Variants in ELMO1 observed in about 807,000 individuals in gnomAD.
The protein encoded by ELMO1 is engulfment and cell motility protein 1.
ELMO1 carries 26 observed loss-of-function variants against 98.9 expected under a neutral mutation model. The observed-to-expected ratio is 0.26, with a 90% confidence interval of 0.19 to 0.36. The LOEUF is 0.36. Ranked by LOEUF, ELMO1 falls within the 10% of genes least tolerant of loss-of-function variation. The pLI, the probability that ELMO1 is intolerant of heterozygous loss-of-function variation, is 1.00. For missense variants in ELMO1, 627 were observed against 935.2 expected, an observed-to-expected ratio of 0.67 and a Z score of 4.30; for synonymous variants, 346 against 346.0, an observed-to-expected ratio of 1.00 and a Z score of 0.00.
rs555241500 is a variant in ELMO1 at position 37,099,200 on chromosome 7, C to T, written c.1192-2473G>A. On this transcript the variant is annotated intron_variant, in intron 14 of 21. Coordinates refer to ENST00000310758, the MANE Select transcript of ELMO1 (RefSeq NM_014800.11). ...CACCTAAAGAAAAATAAACCCGCCGCCTTCTTGACTGATTTCTGTTGTCAA... is the reference window on the plus strand; with the variant it reads ...CACCTAAAGAAAAATAAACCCGCCGTCTTCTTGACTGATTTCTGTTGTCAA... Among the ~76,000 whole-genome samples the T allele has an allele frequency of 7.2e-5, 11 of 152,302 alleles. No homozygotes were observed. In the South Asian group the frequency reaches 2.3e-3, roughly 32 times the overall value.
At chr7:36,988,538 C>T (rs533549957) in intron 16 of ELMO1, among the ~76,000 whole-genome samples, 1 of 152,336 alleles carries the variant, frequency 6.6e-6, no homozygotes, top group South Asian at 2.1e-4. Context: ...TTAAGCATAA[C>T]TGTGATATGG....
intron 7 of ELMO1, among the ~76,000 whole-genome samples, chr7:37,238,268 T>C (rs1794583561): frequency 6.6e-6 from 1 of 152,232 alleles, no homozygotes; most frequent in South Asian, 2.1e-4. Context: ...ATTGCATGTC[T>C]ATCGATGAAT....
At chr7:36,925,557 T>C (rs185373288) in intron 16 of ELMO1, among the ~76,000 whole-genome samples, 177 of 152,304 alleles carry the variant, frequency 1.2e-3, no homozygotes, top group Non-Finnish European at 1.9e-3. Context: ...GGTCCCTATA[T>C]TGCCCCCAAC....
intron 15 of ELMO1, among the ~76,000 whole-genome samples, chr7:37,023,906 G>A (rs1794421500): frequency 6.6e-6 from 1 of 152,116 alleles, no homozygotes; most frequent in Non-Finnish European, 1.5e-5. Context: ...CGTGAATGGA[G>A]ATCCCAGTCT....
At chr7:37,448,199 G>A (rs1359322951) in intron 1 of ELMO1, among the ~76,000 whole-genome samples, 2 of 151,624 alleles carry the variant, frequency 1.3e-5, no homozygotes, top group African/African-American at 4.9e-5. Context: ...CGCCGAGTCT[G>A]AGCCGCAGCC....
At chr7:37,221,987 C>T (rs1470916097) in intron 10 of ELMO1, among the ~76,000 whole-genome samples, 1 of 152,258 alleles carries the variant, frequency 6.6e-6, no homozygotes, top group East Asian at 1.9e-4. Flanking sequence ...TGTGAGCCAC[C>T]GCACCCGGCT....
At chr7:36,897,271 T>C (rs1053835790) in intron 16 of ELMO1, among the ~76,000 whole-genome samples, 3 of 150,370 alleles carry the variant, frequency 2.0e-5, no homozygotes, top group Non-Finnish European at 2.9e-5. Flanking sequence ...CCTTCACATA[T>C]AGGAAAGGGG....
chr7:37,164,819 G>A (rs1376362396), intron 13 of ELMO1, among the ~76,000 whole-genome samples: 13 of 149,880 alleles, frequency 8.7e-5, no homozygotes, highest in African/African-American at 2.2e-4. Flanking sequence ...TTGGCAATGC[G>A]GGCTCTTTTT....
At chr7:36,964,483 T>C (rs941680897) in intron 16 of ELMO1, among the ~76,000 whole-genome samples, 2 of 152,242 alleles carry the variant, frequency 1.3e-5, no homozygotes, top group African/African-American at 4.8e-5. Flanking sequence ...TGAATGTGTG[T>C]CGCTCTCACA....
intron 2 of ELMO1, among the ~76,000 whole-genome samples, chr7:37,339,867 G>A (rs999952217): frequency 1.0e-5 from 1 of 99,138 alleles, no homozygotes; most frequent in Non-Finnish European, 2.0e-5. Flanking sequence ...CTCTTGATAT[G>A]ATGAGCCAAA....
intron 17 of ELMO1, among the ~76,000 whole-genome samples, chr7:36,893,258 G>A (rs1805712282): frequency 6.6e-6 from 1 of 152,138 alleles, no homozygotes; most frequent in South Asian, 2.1e-4. Flanking sequence ...CCTGGGATGG[G>A]GCAAGGAGCC....
At chr7:37,364,883 C>G (rs1302816665) in intron 1 of ELMO1, among the ~76,000 whole-genome samples, 1 of 152,140 alleles carries the variant, frequency 6.6e-6, no homozygotes, top group African/African-American at 2.4e-5. Context: ...ACTCTTTGTG[C>G]CAAGGCACTT....
At chr7:37,224,730 G>T in intron 9 of ELMO1, 149 bp downstream of exon 9, 1 of 1,154,724 alleles carries the variant, frequency 8.7e-7, no homozygotes, top group Non-Finnish European at 1.2e-6. Context: ...TGCCATTCCA[G>T]TGTGACACGT....
intron 16 of ELMO1, among the ~76,000 whole-genome samples, chr7:36,933,792 A>G (rs1257125702): frequency 6.6e-6 from 1 of 152,132 alleles, no homozygotes; most frequent in African/African-American, 2.4e-5. Context: ...CTGAGGCTTC[A>G]TGGCTGCAGG....
intron 16 of ELMO1, among the ~76,000 whole-genome samples, chr7:36,929,614 C>T (rs1785865637): frequency 6.6e-6 from 1 of 152,158 alleles, no homozygotes; most frequent in African/African-American, 2.4e-5. Flanking sequence ...GGTCAGCACT[C>T]ATATAATACT....
chr7:37,231,753 C>T (rs978807951), intron 8 of ELMO1, among the ~76,000 whole-genome samples: 6 of 152,082 alleles, frequency 3.9e-5, no homozygotes, highest in African/African-American at 1.2e-4. Flanking sequence ...CGGCATTGCA[C>T]CACAGCTTAT....
chr7:37,359,518 G>T (rs1011042870), intron 1 of ELMO1, among the ~76,000 whole-genome samples: 1 of 152,180 alleles, frequency 6.6e-6, no homozygotes, highest in Non-Finnish European at 1.5e-5. Context: ...ATTAAAGAGT[G>T]TACATAGATT....
intron 14 of ELMO1, among the ~76,000 whole-genome samples, chr7:37,119,732 A>G (rs1785873523): frequency 6.6e-6 from 1 of 152,236 alleles, no homozygotes; most frequent in African/African-American, 2.4e-5. Context: ...GCATAATATT[A>G]GAAACATATA....
intron 1 of ELMO1, among the ~76,000 whole-genome samples, chr7:37,415,214 G>A (rs983595318): frequency 6.6e-5 from 10 of 152,294 alleles, no homozygotes; most frequent in African/African-American, 2.4e-4. Context: ...TTCAGCTACT[G>A]CCTGAGCAAA....
Sources: gnomAD v4.1 joint callset for allele counts (sites outside exome capture counted in the v4.1 genomes callset) on GRCh38, gnomAD v4.1.1 for gene constraint, MANE v1.5 for transcripts, NCBI Gene and HGNC (gene_info 2026-07-23, HGNC 2026-07-21) for gene names.